Variants in PIK3CB observed in about 807,000 individuals in gnomAD.
The protein encoded by PIK3CB is phosphatidylinositol-4,5-bisphosphate 3-kinase catalytic subunit beta.
In PIK3CB, 39 loss-of-function variants were observed where a neutral mutation model predicts 136.8. The ratio of observed to expected loss-of-function variants is 0.29; its 90% CI spans 0.22 to 0.37. The LOEUF is 0.37. PIK3CB is among the 10% of genes least tolerant of loss of function. The pLI is 1.00. For missense variants in PIK3CB, 868 were observed against 1,275.4 expected (o/e 0.68, Z 4.87); for synonymous variants, 428 against 436.6 (o/e 0.98, Z 0.25).
chr3:138,759,574 T>C (rs754975566), intron 2 of PIK3CB, among the ~76,000 whole-genome samples: 4 of 152,118 alleles, frequency 2.6e-5, no homozygotes, highest in Non-Finnish European at 5.9e-5. Flanking sequence ...ACAAATTATA[T>C]ATATGTACAT....
At chr3:138,815,139 C>CAAAAA (rs71637082) in intron 1 of PIK3CB, among the ~76,000 whole-genome samples, 22 of 38,144 alleles carry the variant, frequency 5.8e-4, no homozygotes, top group African/African-American at 1.1e-3. Flanking sequence ...GACTCCGTCT[C>CAAAAA]AAAAAAAAAA....
chr3:138,679,608 G>A (rs889320068), intron 19 of PIK3CB, among the ~76,000 whole-genome samples: 1 of 150,306 alleles, frequency 6.7e-6, no homozygotes, highest in African/African-American at 2.4e-5. Context: ...TTTGAGATTA[G>A]GGTCTCACTT....
chr3:138,667,069 C>T (rs947822030), intron 19 of PIK3CB, among the ~76,000 whole-genome samples: 4 of 151,836 alleles, frequency 2.6e-5, no homozygotes, highest in African/African-American at 9.7e-5. Flanking sequence ...ATTAGCTGGA[C>T]GTGGTGGTGT....
intron 22 of PIK3CB, among the ~76,000 whole-genome samples, chr3:138,656,889 T>A (rs1029826417): frequency 6.6e-6 from 1 of 152,128 alleles, no homozygotes; most frequent in Non-Finnish European, 1.5e-5. Context: ...TGCCTCAGCC[T>A]CCTGAGTAGC....
chr3:138,766,848 A>T (rs1314157253), intron 2 of PIK3CB, among the ~76,000 whole-genome samples: 1 of 152,246 alleles, frequency 6.6e-6, no homozygotes, highest in Admixed American at 6.5e-5. Flanking sequence ...TGCAAGGTTA[A>T]ATATATCTAC....
intron 8 of PIK3CB, among the ~76,000 whole-genome samples, chr3:138,724,366 T>C (rs1203770845): frequency 1.3e-5 from 2 of 152,202 alleles, no homozygotes; most frequent in East Asian, 1.9e-4. Flanking sequence ...CTTGTCCCCA[T>C]AGAATTTGGC....
rs527361642 is a variant in PIK3CB, at chr3:138,775,420, T to C, written c.-16-16061A>G. Reference sequence around the variant, plus strand: ...GCAATCCAGCCTGTACCAGAGCAGTTAGGTCTAGTGAGAGACTAGCGGAGG... The same window carrying C: ...GCAATCCAGCCTGTACCAGAGCAGTCAGGTCTAGTGAGAGACTAGCGGAGG... On this transcript the variant is annotated intron_variant, in intron 2 of 23. Transcript: ENST00000674063. Among the ~76,000 whole-genome samples the C allele has an allele frequency of 2.0e-5, 3 of 152,254 alleles. No individual in the cohort carries two copies. The East Asian group carries it at 5.8e-4, about 29-fold the overall frequency.
chr3:138,728,353 T>C (rs2044886828), intron 8 of PIK3CB, among the ~76,000 whole-genome samples: 1 of 152,148 alleles, frequency 6.6e-6, no homozygotes, highest in South Asian at 2.1e-4. Flanking sequence ...TCCTCAATTT[T>C]CCTTATGAGC....
At chr3:138,792,425 G>A (rs1339834720) in intron 2 of PIK3CB, among the ~76,000 whole-genome samples, 4 of 152,024 alleles carry the variant, frequency 2.6e-5, no homozygotes, top group African/African-American at 4.8e-5. Context: ...CCCGGCTGAA[G>A]TGCAGTGGTA....
intron 19 of PIK3CB, among the ~76,000 whole-genome samples, chr3:138,673,020 G>A (rs1041207783): frequency 6.6e-6 from 1 of 151,222 alleles, no homozygotes; most frequent in Non-Finnish European, 1.5e-5. Context: ...CAGAGATAAT[G>A]AACTGGAAAA....
intron 15 of PIK3CB, among the ~76,000 whole-genome samples, 166 bp downstream of exon 15, chr3:138,690,834 A>G (rs1436950843): frequency 6.6e-6 from 1 of 152,134 alleles, no homozygotes; most frequent in Non-Finnish European, 1.5e-5. Context: ...AATCATAAAA[A>G]TCAAGAGTGC....
At chr3:138,771,036 G>T (rs2045792871) in intron 2 of PIK3CB, among the ~76,000 whole-genome samples, 2 of 151,954 alleles carry the variant, frequency 1.3e-5, no homozygotes, top group African/African-American at 2.4e-5. Context: ...TACTACATTT[G>T]CTATCACAAC....
At position 138,681,452 on chromosome 3, in the gene PIK3CB, A is replaced by T. The variant is rs183524694; in HGVS notation, c.2504+515T>A. On this transcript the variant is annotated intron_variant, in intron 19 of 23. Transcript: ENST00000674063. ...CCTTGTTCTGTTCATTGTGAATACG[A>T]TTCCCAGTCTGAGGCTTGATTTTAT... 2.6e-5 allele frequency among the ~76,000 whole-genome samples: 4 copies of T among 152,254 alleles called. No homozygotes were observed. The East Asian group carries it at 7.7e-4, about 29-fold the overall frequency.
intron 19 of PIK3CB, 51 bp from the exon 20 acceptor site, chr3:138,665,254 T>A: frequency 7.4e-7 from 1 of 1,347,146 alleles, no homozygotes; most frequent in Non-Finnish European, 1.0e-6. Flanking sequence ...AAATGAAACA[T>A]TAATTTGGTA....
intron 1 of PIK3CB, among the ~76,000 whole-genome samples, chr3:138,824,186 T>C (rs1420448465): frequency 6.6e-6 from 1 of 152,174 alleles, no homozygotes; most frequent in Non-Finnish European, 1.5e-5. Flanking sequence ...CCCATGGATT[T>C]AGTTTAATCC....
At chr3:138,771,743 C>T (rs2045802852) in intron 2 of PIK3CB, among the ~76,000 whole-genome samples, 1 of 151,654 alleles carries the variant, frequency 6.6e-6, no homozygotes, top group African/African-American at 2.4e-5. Context: ...ATAGTGAGAC[C>T]CCATCTCTAC....
At chr3:138,803,432 C>T (rs1350872309) in intron 1 of PIK3CB, among the ~76,000 whole-genome samples, 1 of 152,190 alleles carries the variant, frequency 6.6e-6, no homozygotes, top group Non-Finnish European at 1.5e-5. Context: ...CCTCTATCCT[C>T]CCAAACCAAG....
intron 2 of PIK3CB, among the ~76,000 whole-genome samples, chr3:138,777,306 T>C (rs2045869977): frequency 6.6e-6 from 1 of 152,214 alleles, no homozygotes. Context: ...GGTAATGCTC[T>C]ACTAATTCCC....
At chr3:138,780,807 T>C (rs2045915301) in intron 2 of PIK3CB, among the ~76,000 whole-genome samples, 1 of 152,126 alleles carries the variant, frequency 6.6e-6, no homozygotes, top group South Asian at 2.1e-4. Flanking sequence ...TAGCTGAGAC[T>C]ACAAGCATAC....
Sources: gnomAD v4.1 joint callset for allele counts (sites outside exome capture counted in the v4.1 genomes callset) on GRCh38, gnomAD v4.1.1 for gene constraint, MANE v1.5 for transcripts, NCBI Gene and HGNC (gene_info 2026-07-23, HGNC 2026-07-21) for gene names.